MCTP1: variants seen among roughly 807,000 people sequenced by gnomAD.
MCTP1 encodes multiple C2 and transmembrane domain-containing protein 1.
A neutral mutation model predicts 120.6 loss-of-function variants in MCTP1; 69 were observed. That is an observed-to-expected ratio of 0.57 (90% CI 0.47 to 0.70). The LOEUF (loss-of-function observed/expected upper bound fraction) is 0.70. MCTP1 is among the 30% of genes least tolerant of loss of function. The probability of loss-of-function intolerance (pLI) is 0.00; values close to 1 mark genes in which losing one functional copy is unlikely to be tolerated. For missense variants in MCTP1, 1,203 were observed against 1,248.8 expected (o/e 0.96, Z 0.55); for synonymous variants, 529 against 493.1 (o/e 1.07, Z -0.96).
intron 1 of MCTP1, among the ~76,000 whole-genome samples, chr5:95,064,471 C>T (rs917959733): frequency 6.6e-6 from 1 of 152,158 alleles, no homozygotes; most frequent in Non-Finnish European, 1.5e-5. Flanking sequence ...ATTTTAGTAA[C>T]CCTTAATAAC....
intron 19 of MCTP1, among the ~76,000 whole-genome samples, chr5:94,772,692 G>A (rs1774350629): frequency 6.6e-6 from 1 of 152,138 alleles, no homozygotes; most frequent in Non-Finnish European, 1.5e-5. Context: ...AAAAGTAGTA[G>A]AAACCTAGAA....
intron 6 of MCTP1, among the ~76,000 whole-genome samples, chr5:94,925,761 G>A (rs1017433839): frequency 5.3e-5 from 8 of 152,192 alleles, no homozygotes; most frequent in Middle Eastern, 3.4e-3. Context: ...AAGGGAAACA[G>A]AACAAAAAAC....
intron 5 of MCTP1, among the ~76,000 whole-genome samples, chr5:94,937,814 A>G (rs1375183905): frequency 6.6e-6 from 1 of 152,078 alleles, no homozygotes; most frequent in African/African-American, 2.4e-5. Context: ...AGCTGACTAT[A>G]CATTATCAAA....
intron 2 of MCTP1, among the ~76,000 whole-genome samples, chr5:94,963,761 A>G (rs1487641795): frequency 6.6e-6 from 1 of 151,928 alleles, no homozygotes; most frequent in Non-Finnish European, 1.5e-5. Flanking sequence ...CCTTCCATAG[A>G]TTGCTTTTTT....
At chr5:94,835,952 T>C (rs967749883) in intron 17 of MCTP1, among the ~76,000 whole-genome samples, 1 of 151,858 alleles carries the variant, frequency 6.6e-6, no homozygotes, top group Non-Finnish European at 1.5e-5. Context: ...TGCAGTGAGC[T>C]GAGATGGTGC....
At chr5:94,887,117 C>T (rs571135428) in intron 12 of MCTP1, among the ~76,000 whole-genome samples, 10 of 151,986 alleles carry the variant, frequency 6.6e-5, no homozygotes, top group East Asian at 3.9e-4. Flanking sequence ...ATAAGGTCAG[C>T]GTGAAATGGG....
At chr5:95,030,035 G>T (rs1295407034) in intron 1 of MCTP1, among the ~76,000 whole-genome samples, 2 of 152,182 alleles carry the variant, frequency 1.3e-5, no homozygotes, top group Non-Finnish European at 2.9e-5. Flanking sequence ...GCCTGATCTG[G>T]CCGGGGAAGA....
At chr5:95,146,695 A>AGAGATGTTCTTGGTAT (rs1283655594) in intron 1 of MCTP1, among the ~76,000 whole-genome samples, 1 of 152,014 alleles carries the variant, frequency 6.6e-6, no homozygotes, top group Non-Finnish European at 1.5e-5. Flanking sequence ...GCTAGTTTTG[A>AGAGATGTTCTTGGTAT]GAGATGTTCT....
At chr5:95,229,697 C>T (rs1754696348) in intron 1 of MCTP1, among the ~76,000 whole-genome samples, 1 of 150,866 alleles carries the variant, frequency 6.6e-6, no homozygotes, top group African/African-American at 2.4e-5. Flanking sequence ...GCTGAGATTG[C>T]ACCACTGCAC....
At chr5:94,969,782 A>G (rs925887236) in intron 2 of MCTP1, among the ~76,000 whole-genome samples, 1 of 152,132 alleles carries the variant, frequency 6.6e-6, no homozygotes, top group African/African-American at 2.4e-5. Context: ...TTCACATTTG[A>G]GAGGTTGTAA....
intron 10 of MCTP1, among the ~76,000 whole-genome samples, chr5:94,901,228 C>T (rs543929668): frequency 6.6e-6 from 1 of 152,126 alleles, no homozygotes; most frequent in African/African-American, 2.4e-5. Context: ...GGCAAGAGGG[C>T]ATGTTCAGGG....
intron 1 of MCTP1, among the ~76,000 whole-genome samples, chr5:95,166,757 T>C (rs534402082): frequency 2.2e-4 from 33 of 151,780 alleles, no homozygotes; most frequent in Non-Finnish European, 3.8e-4. Flanking sequence ...TTAGTAGAGA[T>C]GGGGTTTCAC....
At position 94,870,494 on chromosome 5, in the gene MCTP1, A is replaced by G; in HGVS notation, c.2242-3T>C. 2 of 1,580,204 alleles carry G rather than the reference A, an allele frequency of 1.3e-6. No homozygotes were observed. Among genetic ancestry groups the G allele is most frequent in the East Asian group, 2.2e-5 (1 of 44,682 alleles). On this transcript the variant is annotated splice_region_variant and splice_polypyrimidine_tract_variant and intron_variant, in intron 15 of 22. Transcript: ENST00000515393. ...AATGTTCGTAAGCTGGCTTTCACCTATACATCAACATATGTGTCTGTTATG... is the reference window on the plus strand; with the variant it reads ...AATGTTCGTAAGCTGGCTTTCACCTGTACATCAACATATGTGTCTGTTATG...
At chr5:95,240,930 T>A (rs935689608) in intron 1 of MCTP1, among the ~76,000 whole-genome samples, 4 of 152,102 alleles carry the variant, frequency 2.6e-5, no homozygotes, top group African/African-American at 9.7e-5. Flanking sequence ...TCCACCCACC[T>A]CTTTTCTTCA....
intron 2 of MCTP1, among the ~76,000 whole-genome samples, chr5:94,978,235 C>G (rs1288140646): frequency 6.6e-6 from 1 of 151,950 alleles, no homozygotes. Context: ...AATCTGAACC[C>G]TTGTACACTG....
chr5:95,139,543 A>G (rs1447587862), intron 1 of MCTP1, among the ~76,000 whole-genome samples: 1 of 152,212 alleles, frequency 6.6e-6, no homozygotes, highest in East Asian at 1.9e-4. Context: ...ATTTTAGCCA[A>G]AGGAATTTTT....
intron 1 of MCTP1, among the ~76,000 whole-genome samples, chr5:95,250,714 G>A (rs915477271): frequency 3.5e-4 from 54 of 152,260 alleles, no homozygotes; most frequent in African/African-American, 1.2e-3. Context: ...TATGTGAAAT[G>A]CCTAGAACAA....
intron 2 of MCTP1, among the ~76,000 whole-genome samples, chr5:95,013,637 T>C (rs1836474050): frequency 6.6e-6 from 1 of 152,134 alleles, no homozygotes; most frequent in Non-Finnish European, 1.5e-5. Flanking sequence ...ATTTATAGCA[T>C]GGTTTGCTAA....
chr5:95,112,234 A>G (rs2152390396), intron 1 of MCTP1, among the ~76,000 whole-genome samples: 1 of 152,316 alleles, frequency 6.6e-6, no homozygotes, highest in South Asian at 2.1e-4. Context: ...CTTTTGAGTG[A>G]TGCCAGAGGA....
Sources: gnomAD v4.1 joint callset for allele counts (sites outside exome capture counted in the v4.1 genomes callset) on GRCh38, gnomAD v4.1.1 for gene constraint, MANE v1.5 for transcripts, NCBI Gene and HGNC (gene_info 2026-07-23, HGNC 2026-07-21) for gene names.